Variants in BGN observed in about 807,000 individuals in gnomAD.
BGN encodes biglycan.
In BGN, 6 loss-of-function variants were observed where a neutral mutation model predicts 20.0. That is an observed-to-expected ratio of 0.30 (90% confidence interval 0.16 to 0.59). The LOEUF (loss-of-function observed/expected upper bound fraction) is 0.59. BGN is among the 20% of genes least tolerant of loss of function. BGN has a pLI of 0.88. For synonymous variants in BGN, 146 were observed against 134.6 expected (o/e 1.08, Z -0.59); for missense variants, 292 against 312.1 (o/e 0.94, Z 0.49).
chrX:153,502,532 C>G (rs782107255), intron 1 of BGN, among the ~76,000 whole-genome samples: 2 of 112,570 alleles, frequency 1.8e-5, no homozygotes, highest in South Asian at 7.4e-4. Context: ...ATCGGAGGCC[C>G]TGCCCTGCCC....
Position 153,507,131 on chromosome X carries a change from C to G in BGN, c.855C>G (p.Asp285Glu), listed in dbSNP as rs1008155578. The part of the protein sequence containing the change: ...FLPTLRELHL[D>E]NNKLARVPSG... ...CCACCCTCCGGGAGCTCCACTTGGA[C>G]AACAACAAGTTGGCCAGGGTGCCCT... Residue 285 changes from aspartate (D) to glutamate (E), a missense_variant, in exon 7 of 8, where the codon GAC becomes GAG. By Grantham distance (45) the Asp-to-Glu change is conservative. Transcript: ENST00000331595. 2 of 1,206,229 alleles carry G rather than the reference C, an allele frequency of 1.7e-6. No homozygotes were observed. Among genetic ancestry groups the G allele is most frequent in the African/African-American group, 3.5e-5 (2 of 57,321 alleles).
intron 7 of BGN, among the ~76,000 whole-genome samples, chrX:153,507,655 T>A (rs1188705900): frequency 8.8e-6 from 1 of 113,122 alleles, no homozygotes; most frequent in African/African-American, 3.2e-5. Context: ...AGCACCCCCA[T>A]CCGCACCAGC....
rs781926455 is a variant in BGN at position 153,505,227 on chromosome X, G to T, written c.239-11G>T. 21 of 1,183,174 alleles carry T rather than the reference G, an allele frequency of 1.8e-5. No homozygotes were observed. Among genetic ancestry groups the T allele is most frequent in the Middle Eastern group, 2.4e-4 (1 of 4,253 alleles). ...TCAAGTTCATGCTGGTGATGGGGGTGGGGCCCCTAGGTCTGAAGTCTGTGC... is the reference window on the plus strand; with the variant it reads ...TCAAGTTCATGCTGGTGATGGGGGTTGGGCCCCTAGGTCTGAAGTCTGTGC... On this transcript the variant is annotated splice_polypyrimidine_tract_variant and intron_variant, in intron 2 of 7. Coordinates refer to ENST00000331595, the MANE Select transcript of BGN (RefSeq NM_001711.6).
At position 153,508,157 on chromosome X, in the gene BGN, G is replaced by T. The variant is rs5945215; in HGVS notation, c.910-91G>T. 389,801 of 1,000,633 alleles carry T rather than the reference G, an allele frequency of 0.39. 59,191 individuals are homozygous for T. Among genetic ancestry groups the T allele is most frequent in the Non-Finnish European group, 0.45 (320,008 of 714,390 alleles). The allele number at this position is 1,000,633 out of a possible 1,213,427, so 82.5% of individuals were successfully genotyped here. ...CCTCTGGTGTGGCCCTTGAAGTAGG[G>T]TGCAGAGGCAACAGCAAAATGCCTC... On this transcript the variant is annotated intron_variant, in intron 7 of 7. Transcript: ENST00000331595.
Position 153,508,712 on chromosome X carries a change from G to A in BGN, c.*267G>A, listed in dbSNP as rs1006431412. The A allele has an allele frequency of 4.7e-5, 19 of 405,479 alleles. No homozygotes were observed. Among genetic ancestry groups the A allele is most frequent in the African/African-American group, 3.8e-4 (15 of 39,666 alleles). The allele number at this position is 405,479 out of a possible 1,213,427, so 33.4% of individuals were successfully genotyped here. ...TGCTCTCCCACCACAGCCACCCAGAGGCACCCCATGAAGCTTTTTTCTCGT... is the reference window on the plus strand; with the variant it reads ...TGCTCTCCCACCACAGCCACCCAGAAGCACCCCATGAAGCTTTTTTCTCGT... On this transcript the variant is annotated 3_prime_UTR_variant, in exon 8 of 8. Transcript: ENST00000331595.
In BGN at chrX:153,508,177, T is replaced by A; in HGVS notation, c.910-71T>A. The A allele has an allele frequency of 3.6e-6, 4 of 1,121,160 alleles. No individual in the cohort carries two copies. The South Asian group carries it at 7.6e-5, about 21-fold the overall frequency. 92.4% of individuals were successfully genotyped at this position (1,121,160 alleles called of 1,213,427 possible). ...GTAGGGTGCAGAGGCAACAGCAAAA[T>A]GCCTCCTGGAGGCAGCGGGCTTGGC... On this transcript the variant is annotated intron_variant, in intron 7 of 7. Coordinates refer to ENST00000331595, the MANE Select transcript of BGN (RefSeq NM_001711.6).
In BGN at chrX:153,508,316, G is replaced by C. The variant is rs1156457806; in HGVS notation, c.978G>C (p.Gly326=). 13 of 1,210,887 alleles carry C rather than the reference G, an allele frequency of 1.1e-5. No individual in the cohort carries two copies. The African/African-American group carries it at 2.1e-4, about 19-fold the overall frequency. Residue 326 remains glycine, a synonymous_variant, in exon 8 of 8, where the codon GGG becomes GGC. Transcript: ENST00000331595. ...ACGACTTCTGTCCCATGGGCTTCGG[G>C]GTGAAGCGGGCCTACTACAACGGCA... ...GVNDFCPMGF[G]VKRAYYNGIS... is the part of the protein sequence containing the mutation.
At chrX:153,500,011 G>A (rs1556991482) in intron 1 of BGN, among the ~76,000 whole-genome samples, 2 of 113,398 alleles carry the variant, frequency 1.8e-5, no homozygotes, top group African/African-American at 6.4e-5. Context: ...AGCATCCGGC[G>A]TCTGCCACTT....
chrX:153,508,283 G>A lies in BGN; in HGVS notation c.945G>A (p.Val315=). ...TGCACTCCAACAACATCACCAAAGT[G>A]GGTGTCAACGACTTCTGTCCCATGG... The part of the protein sequence containing the change: ...VYLHSNNITK[V]GVNDFCPMGF... Residue 315 remains valine (V), a synonymous_variant, in exon 8 of 8, where the codon GTG becomes GTA. Transcript: ENST00000331595. 1 of 1,212,115 alleles carries A rather than the reference G, an allele frequency of 8.3e-7. No homozygotes were observed. Among genetic ancestry groups the A allele is most frequent in the Non-Finnish European group, 1.1e-6 (1 of 895,587 alleles).
At chrX:153,504,446 T>A (rs1008356540) in intron 1 of BGN, among the ~76,000 whole-genome samples, 175 bp from the exon 2 acceptor site, 8 of 112,414 alleles carry the variant, frequency 7.1e-5, no homozygotes, top group African/African-American at 2.6e-4. Flanking sequence ...ATCCACTCCC[T>A]TCCTGCCTGG....
In BGN at chrX:153,504,800, C is replaced by T. The variant is rs201700911; in HGVS notation, c.169C>T (p.Pro57Ser). The change falls in exon 2 of 8, where the codon CCC (proline) becomes TCC (serine). Residue 57 changes from proline to serine, a missense_variant. Transcript: ENST00000331595. ...CGTCCTGGACCCGGACTCTGTCACA[C>T]CCACCTACAGCGCCATGTGTCCTTT... Reference protein sequence around the residue: ...SGVLDPDSVTPTYSAMCPFGC... With the variant: ...SGVLDPDSVTSTYSAMCPFGC... 7 of 1,211,636 alleles carry T rather than the reference C, an allele frequency of 5.8e-6. No homozygotes were observed. In the South Asian group the frequency reaches 1.2e-4, roughly 21 times the overall value.
In BGN at chrX:153,506,075, C is replaced by T. The variant is rs2070933; in HGVS notation, c.564C>T (p.Ile188=). 0.017 allele frequency: 20,757 copies of T among 1,207,610 alleles called. 286 individuals carry two copies. The highest frequency in any genetic ancestry group is 0.082 in the African/African-American group (4,674 of 57,225). Residue 188 remains isoleucine (I), a splice_region_variant and synonymous_variant, in exon 4 of 8, where the codon ATC becomes ATT. Transcript: ENST00000331595. ...VFSGLRNMNC[I]EMGGNPLENS... ...GCGGGCTCCGGAACATGAACTGCAT[C>T]GGTGAGCTGAGGGCCTCCCAGAACA...
chrX:153,499,895 C>T (rs1458893018), intron 1 of BGN, among the ~76,000 whole-genome samples: 1 of 113,043 alleles, frequency 8.8e-6, no homozygotes, highest in Non-Finnish European at 1.9e-5. Flanking sequence ...GGAGGAAGGA[C>T]ACAGTCCCGG....
chrX:153,505,116 G>A (rs2089789645), intron 2 of BGN, 122 bp from the exon 3 acceptor site: 6 of 616,578 alleles, frequency 9.7e-6, no homozygotes, highest in Non-Finnish European at 1.6e-5. Context: ...CTAGTCGGCT[G>A]GATGGCTCCA....
At chrX:153,505,499 G>A (rs782192572) in intron 3 of BGN, 149 bp downstream of exon 3, 94 of 502,435 alleles carry the variant, frequency 1.9e-4, no homozygotes, top group South Asian at 6.1e-4. Flanking sequence ...GGGAGCTCCC[G>A]GGTTTGCGGC....
intron 1 of BGN, among the ~76,000 whole-genome samples, chrX:153,498,668 G>C (rs960342327): frequency 1.8e-5 from 2 of 112,679 alleles, no homozygotes; most frequent in South Asian, 7.3e-4. Context: ...CTGTACCAGG[G>C]AGGGAGGGAG....
intron 1 of BGN, among the ~76,000 whole-genome samples, chrX:153,499,372 G>C (rs1556991373): frequency 8.9e-6 from 1 of 112,471 alleles, no homozygotes; most frequent in Non-Finnish European, 1.9e-5. Flanking sequence ...GGACAGGCTG[G>C]ACCTTGACAT....
chrX:153,499,125 C>G (rs1441629828), intron 1 of BGN, among the ~76,000 whole-genome samples: 1 of 112,770 alleles, frequency 8.9e-6, no homozygotes, highest in Non-Finnish European at 1.9e-5. Flanking sequence ...TCATCAAGTT[C>G]TAAGAGCATT....
intron 1 of BGN, among the ~76,000 whole-genome samples, chrX:153,503,337 A>G (rs1556992285): frequency 8.9e-6 from 1 of 112,269 alleles, no homozygotes; most frequent in Non-Finnish European, 1.9e-5. Context: ...CTCCCCAGCT[A>G]GTACTGGCCC....
Sources: allele counts gnomAD v4.1 joint callset (sites outside exome capture counted in the v4.1 genomes callset), GRCh38; gene constraint gnomAD v4.1.1; transcripts MANE v1.5; gene names NCBI Gene and HGNC (gene_info 2026-07-23, HGNC 2026-07-21).